The following DCDC1 variants were observed in gnomAD, a reference collection of about 807,000 sequenced individuals.
DCDC1 encodes doublecortin domain-containing protein 1.
DCDC1 carries 200 observed loss-of-function variants against 178.3 expected under a neutral mutation model. The observed-to-expected ratio is 1.12, with a 90% CI of 1.00 to 1.26. The LOEUF (loss-of-function observed/expected upper bound fraction) is 1.26, where lower values mean the gene tolerates loss of function less well. Ranked by LOEUF, DCDC1 falls within the 50% of genes most tolerant of loss-of-function variation. The probability of loss-of-function intolerance (pLI) is 0.00; values close to 1 mark genes in which losing one functional copy is unlikely to be tolerated. For missense variants in DCDC1, 1,983 were observed against 1,749.2 expected, an observed-to-expected ratio of 1.13 and a Z score of -2.38; for synonymous variants, 690 against 604.8, an observed-to-expected ratio of 1.14 and a Z score of -2.07.
intron 8 of DCDC1, among the ~76,000 whole-genome samples, chr11:31,248,070 A>T (rs1943702174): frequency 6.6e-6 from 1 of 152,134 alleles, no homozygotes; most frequent in Non-Finnish European, 1.5e-5. Context: ...AGTTCCATAC[A>T]AAAACTTAAA....
intron 7 of DCDC1, among the ~76,000 whole-genome samples, chr11:31,284,321 T>A (rs936490456): frequency 1.3e-5 from 2 of 152,190 alleles, no homozygotes; most frequent in African/African-American, 4.8e-5. Context: ...TGGGTTATAG[T>A]ACTAGCTATT....
rs147109093 is a variant in DCDC1, at chr11:30,978,893, C to A, written c.2592-26325G>T. On this transcript the variant is annotated intron_variant, in intron 20 of 38. Transcript: ENST00000684477. ...CTCCAGGAGATCAACTCTTTTAGCT[C>A]CCATATATGGATAAGAATATGCAAT... is the stretch of plus-strand genomic sequence containing the variant. Among the ~76,000 whole-genome samples, 436 of 151,894 alleles carry A rather than the reference C, an allele frequency of 2.9e-3. 4 individuals carry two copies. Among genetic ancestry groups the A allele is most frequent in the East Asian group, 0.022 (113 of 5,174 alleles).
intron 8 of DCDC1, among the ~76,000 whole-genome samples, chr11:31,248,582 T>G (rs1369929200): frequency 1.3e-5 from 2 of 152,100 alleles, no homozygotes; most frequent in Non-Finnish European, 2.9e-5. Context: ...GTAAAACAGT[T>G]TGGTACCCTT....
chr11:31,055,794 G>A (rs1457318949), intron 20 of DCDC1, among the ~76,000 whole-genome samples: 1 of 152,154 alleles, frequency 6.6e-6, no homozygotes, highest in African/African-American at 2.4e-5. Flanking sequence ...ATATGTGGGA[G>A]CTAAGCTATG....
At chr11:30,909,765 C>T (rs2134166353) in intron 28 of DCDC1, among the ~76,000 whole-genome samples, 1 of 151,968 alleles carries the variant, frequency 6.6e-6, no homozygotes, top group East Asian at 1.9e-4. Context: ...CATTGATTAT[C>T]AAAGAGGTTT....
At chr11:31,084,949 G>C (rs1412174744) in intron 17 of DCDC1, among the ~76,000 whole-genome samples, 1 of 150,692 alleles carries the variant, frequency 6.6e-6, no homozygotes, top group East Asian at 2.0e-4. Context: ...CAGCTGATGA[G>C]ATGTTGCAGT....
chr11:31,067,452 G>A (rs1379037535), intron 18 of DCDC1, among the ~76,000 whole-genome samples: 1 of 152,064 alleles, frequency 6.6e-6, no homozygotes, highest in Non-Finnish European at 1.5e-5. Context: ...AACAAGAGTT[G>A]GCAAGAATGT....
chr11:31,331,269 A>C (rs944399387), intron 2 of DCDC1, among the ~76,000 whole-genome samples: 1 of 152,180 alleles, frequency 6.6e-6, no homozygotes, highest in African/African-American at 2.4e-5. Context: ...TATCAGCTTA[A>C]GGAGATTTTG....
chr11:31,334,183 T>G (rs1457602523), intron 2 of DCDC1, among the ~76,000 whole-genome samples: 1 of 152,238 alleles, frequency 6.6e-6, no homozygotes, highest in Admixed American at 6.5e-5. Context: ...CTACTGAAGC[T>G]CATGCATGCG....
At chr11:31,216,612 T>C (rs747425615) in intron 9 of DCDC1, among the ~76,000 whole-genome samples, 14 of 152,222 alleles carry the variant, frequency 9.2e-5, no homozygotes, top group Non-Finnish European at 1.6e-4. Flanking sequence ...AGATCAGCTA[T>C]GGCATCTGGA....
chr11:31,247,881 G>A (rs1240967652), intron 8 of DCDC1, among the ~76,000 whole-genome samples: 1 of 151,832 alleles, frequency 6.6e-6, no homozygotes, highest in Non-Finnish European at 1.5e-5. Context: ...TCAATTTCTT[G>A]GACTTCTAAA....
At chr11:31,049,838 C>T (rs1226505062) in intron 20 of DCDC1, among the ~76,000 whole-genome samples, 1 of 152,154 alleles carries the variant, frequency 6.6e-6, no homozygotes, top group Non-Finnish European at 1.5e-5. Flanking sequence ...CAGGAAGCAG[C>T]AGAAAGGCCC....
At chr11:31,059,889 T>C (rs915011392) in intron 20 of DCDC1, among the ~76,000 whole-genome samples, 2 of 151,992 alleles carry the variant, frequency 1.3e-5, no homozygotes, top group African/African-American at 4.8e-5. Context: ...AATATGTGGG[T>C]TTTTACAATT....
chr11:30,915,586 G>A lies in DCDC1; in HGVS notation c.3578C>T (p.Ser1193Leu), dbSNP rs1243345499. 6.2e-7 allele frequency: 1 copy of A among 1,613,974 alleles called. No individual in the cohort carries two copies. Among genetic ancestry groups the A allele is most frequent in the South Asian group, 1.1e-5 (1 of 91,082 alleles). ...CTCCACCAAAACCACCTCCATGCCT[G>A]ATCGGAGATTGGGACCTTGAACCCC... ...VLGVQGPNLRSGMEVVLVEKK... is the reference protein window; with the variant it reads ...VLGVQGPNLRLGMEVVLVEKK... The change falls in exon 27 of 39, where the codon TCA becomes TTA. Residue 1193 changes from serine to leucine, a missense_variant. Ser to Leu is a moderately radical substitution (Grantham distance 145, BLOSUM62 -2). Coordinates refer to ENST00000684477, the MANE Select transcript of DCDC1 (RefSeq NM_001387274.1).
chr11:31,287,837 A>G (rs1015274236), intron 7 of DCDC1, among the ~76,000 whole-genome samples: 1 of 151,768 alleles, frequency 6.6e-6, no homozygotes, highest in African/African-American at 2.4e-5. Context: ...TCCCAGGTTG[A>G]TAGTGAAGAG....
chr11:31,058,959 G>C (rs1192432093), intron 20 of DCDC1, among the ~76,000 whole-genome samples: 1 of 151,966 alleles, frequency 6.6e-6, no homozygotes, highest in Non-Finnish European at 1.5e-5. Flanking sequence ...ACTCTAGTTT[G>C]GGGGCTGCAA....
intron 1 of DCDC1, among the ~76,000 whole-genome samples, chr11:31,355,500 T>C (rs1221697809): frequency 1.3e-5 from 2 of 152,192 alleles, no homozygotes; most frequent in African/African-American, 4.8e-5. Flanking sequence ...ACATTTAAAA[T>C]AATAATTTAG....
intron 21 of DCDC1, chr11:30,943,728 T>G (rs1947819685): frequency 2.4e-6 from 1 of 416,336 alleles, no homozygotes; most frequent in African/African-American, 2.1e-5. Flanking sequence ...TCAATAAGGC[T>G]TTACCATATT....
At chr11:31,158,212 C>T (rs1462635737) in intron 9 of DCDC1, among the ~76,000 whole-genome samples, 1 of 151,930 alleles carries the variant, frequency 6.6e-6, no homozygotes, top group African/African-American at 2.4e-5. Context: ...AGGTTCATGC[C>T]ATTCTCCTGC....
Sources: allele counts gnomAD v4.1 joint callset (sites outside exome capture counted in the v4.1 genomes callset), GRCh38; gene constraint gnomAD v4.1.1; transcripts MANE v1.5; gene names NCBI Gene and HGNC (gene_info 2026-07-23, HGNC 2026-07-21).